Variants in TLK2 observed in about 807,000 individuals in gnomAD.
TLK2 encodes tousled like kinase 2.
Under a neutral mutation model 117.3 loss-of-function variants are expected in TLK2, and 6 were observed. The observed-to-expected ratio is 0.05, with a 90% confidence interval of 0.03 to 0.10. TLK2 has a LOEUF of 0.10. TLK2 is among the 10% of genes least tolerant of loss of function. TLK2 has a pLI of 1.00. For synonymous variants in TLK2, 257 were observed against 316.7 expected (o/e 0.81, Z 2.00); for missense variants, 299 against 901.2 (o/e 0.33, Z 8.56).
intron 20 of TLK2, among the ~76,000 whole-genome samples, chr17:62,606,679 T>G (rs376507016): frequency 2.7e-4 from 41 of 152,328 alleles, no homozygotes; most frequent in African/African-American, 9.6e-4. Flanking sequence ...GTGCTTTATA[T>G]TTCTATACTG....
chr17:62,509,718 T>TGGGACTAGG (rs2074994743), intron 2 of TLK2, among the ~76,000 whole-genome samples: 1 of 152,192 alleles, frequency 6.6e-6, no homozygotes, highest in African/African-American at 2.4e-5. Context: ...CTCTCATGAA[T>TGGGACTAGG]GGGACTAGGT....
intron 7 of TLK2, among the ~76,000 whole-genome samples, chr17:62,542,927 C>T (rs1159800139): frequency 6.6e-6 from 1 of 152,130 alleles, no homozygotes; most frequent in African/African-American, 2.4e-5. Flanking sequence ...TTTTAAAAAA[C>T]ATGTTAACAT....
chr17:62,610,798 T>G (rs1404989208), intron 21 of TLK2, among the ~76,000 whole-genome samples: 4 of 152,016 alleles, frequency 2.6e-5, no homozygotes, highest in African/African-American at 9.7e-5. Flanking sequence ...CTATGTGAGT[T>G]GATTGCTGTT....
intron 16 of TLK2, among the ~76,000 whole-genome samples, chr17:62,590,352 T>G (rs932338667): frequency 2.6e-5 from 4 of 151,878 alleles, no homozygotes; most frequent in Non-Finnish European, 4.4e-5. Context: ...GGAAGGAGAA[T>G]TGCTTGAACC....
At chr17:62,516,596 C>T (rs1335466062) in intron 2 of TLK2, 22 of 1,609,924 alleles carry the variant, frequency 1.4e-5, no homozygotes, top group Middle Eastern at 4.3e-4. Flanking sequence ...TGTTCTTTCA[C>T]GTAGCCTCGG....
At chr17:62,541,798 C>T (rs953172093) in intron 7 of TLK2, among the ~76,000 whole-genome samples, 8 of 151,690 alleles carry the variant, frequency 5.3e-5, no homozygotes, top group African/African-American at 1.7e-4. Flanking sequence ...CTAGAGATTG[C>T]ACCACTGCAC....
At chr17:62,558,596 G>C (rs2079033639) in intron 9 of TLK2, among the ~76,000 whole-genome samples, 1 of 152,158 alleles carries the variant, frequency 6.6e-6, no homozygotes, top group Admixed American at 6.5e-5. Context: ...GATTTCAAGG[G>C]AACACTCACC....
chr17:62,566,562 C>T (rs571791112), intron 11 of TLK2, among the ~76,000 whole-genome samples: 12 of 152,208 alleles, frequency 7.9e-5, no homozygotes, highest in East Asian at 1.9e-4. Flanking sequence ...TTTCTTAGGC[C>T]GGCACCAGAC....
chr17:62,507,163 C>CT, intron 2 of TLK2, among the ~76,000 whole-genome samples: 1 of 151,782 alleles, frequency 6.6e-6, no homozygotes, highest in East Asian at 1.9e-4. Context: ...AATCCTAGCA[C>CT]TTAGGGAGGC....
At chr17:62,564,274 A>T (rs909470358) in intron 10 of TLK2, among the ~76,000 whole-genome samples, 3 of 152,106 alleles carry the variant, frequency 2.0e-5, no homozygotes, top group African/African-American at 4.8e-5. Flanking sequence ...GTGGTGGCTC[A>T]CGCCTGTAAT....
intron 2 of TLK2, among the ~76,000 whole-genome samples, chr17:62,503,269 A>G (rs2074373085): frequency 6.6e-6 from 1 of 151,996 alleles, no homozygotes; most frequent in Non-Finnish European, 1.5e-5. Context: ...TGTGTTAGCC[A>G]GGATAGTCTT....
At chr17:62,594,540 A>C (rs922032810) in intron 16 of TLK2, among the ~76,000 whole-genome samples, 3 of 152,240 alleles carry the variant, frequency 2.0e-5, no homozygotes, top group African/African-American at 7.2e-5. Flanking sequence ...AACAAGAGTT[A>C]AGTTCCTGTG....
chr17:62,578,485 A>C lies in TLK2; in HGVS notation c.1197A>C (p.Ala399=), dbSNP rs1326249639. The C allele has an allele frequency of 6.2e-7, 1 of 1,613,784 alleles. No individual in the cohort carries two copies. The change falls in exon 14 of 22, where the codon GCA becomes GCC. Residue 399 remains alanine, a synonymous_variant. Transcript: ENST00000346027. ...LRLGHLKKEE[A]EIQAELERLE... ...TTTCCTTTTCGCTTTAGGAGGAAGC[A>C]GAGATCCAGGCAGAGCTGGAGAGAC...
chr17:62,607,398 G>A (rs888140066), intron 20 of TLK2, among the ~76,000 whole-genome samples: 3 of 151,628 alleles, frequency 2.0e-5, no homozygotes, highest in Non-Finnish European at 2.9e-5. Context: ...GCGTGGTGGC[G>A]GGTGCCTGTA....
chr17:62,543,400 CTGTTTT>C (rs1434371054), intron 7 of TLK2, among the ~76,000 whole-genome samples: 1 of 152,212 alleles, frequency 6.6e-6, no homozygotes, highest in Non-Finnish European at 1.5e-5. Flanking sequence ...CATATGGTAA[CTGTTTT>C]TGAGGAACTG....
chr17:62,549,398 CAAAAAA>C (rs777779302), intron 7 of TLK2, among the ~76,000 whole-genome samples: 4 of 37,124 alleles, frequency 1.1e-4, no homozygotes, highest in East Asian at 1.5e-3. Flanking sequence ...GACTCCATCT[CAAAAAA>C]AAAAAAAAAA....
chr17:62,588,908 T>C (rs991865001), intron 16 of TLK2, among the ~76,000 whole-genome samples: 3 of 152,332 alleles, frequency 2.0e-5, no homozygotes, highest in Non-Finnish European at 4.4e-5. Flanking sequence ...AGTAGTACAC[T>C]TCAGTGTTGT....
chr17:62,471,888 C>CT (rs869092720), intron 1 of TLK2, among the ~76,000 whole-genome samples: 8,687 of 37,550 alleles, frequency 0.23, 3,482 homozygotes, highest in East Asian at 0.59. Flanking sequence ...GTAGTATAGT[C>CT]TTTTTTTTTT....
intron 10 of TLK2, among the ~76,000 whole-genome samples, chr17:62,563,736 T>G (rs2079492759): frequency 6.6e-6 from 1 of 152,224 alleles, no homozygotes; most frequent in South Asian, 2.1e-4. Context: ...AACACCAGTT[T>G]TTTTCTATGT....
Sources: allele counts gnomAD v4.1 joint callset (sites outside exome capture counted in the v4.1 genomes callset), GRCh38; gene constraint gnomAD v4.1.1; transcripts MANE v1.5; gene names NCBI Gene and HGNC (gene_info 2026-07-23, HGNC 2026-07-21).